SAMMSON: variants seen among roughly 807,000 people sequenced by gnomAD.
SAMMSON encodes the protein long intergenic non-protein coding RNA 1212.
intron 6 of SAMMSON, among the ~76,000 whole-genome samples, chr3:70,286,326 C>T (rs1319187535): frequency 6.6e-6 from 1 of 152,114 alleles, no homozygotes; most frequent in Admixed American, 6.6e-5. Context: ...ATCCTTTCCC[C>T]ATTTCTTGTT....
chr3:70,120,398 T>C (rs2067428065), intron 4 of SAMMSON: 1 of 152,160 alleles, frequency 6.6e-6, no homozygotes, highest in South Asian at 2.1e-4. Flanking sequence ...AAGAATTTGA[T>C]TTTTTTCAGG....
chr3:70,220,769 T>C (rs1159288118), intron 4 of SAMMSON, among the ~76,000 whole-genome samples: 1 of 152,168 alleles, frequency 6.6e-6, no homozygotes, highest in Non-Finnish European at 1.5e-5. Flanking sequence ...TGCCCACCCT[T>C]ATGAAGATTT....
chr3:70,254,569 G>T (rs938274409), intron 6 of SAMMSON, among the ~76,000 whole-genome samples: 15 of 152,090 alleles, frequency 9.9e-5, no homozygotes, highest in Non-Finnish European at 2.1e-4. Context: ...TTCCCTAATG[G>T]TGAGGTGGCA....
chr3:70,277,418 C>G (rs542624039), intron 6 of SAMMSON, among the ~76,000 whole-genome samples: 4 of 152,302 alleles, frequency 2.6e-5, no homozygotes, highest in South Asian at 2.1e-4. Context: ...CAAAGTCACA[C>G]TGTTTGCTTA....
At chr3:70,131,864 C>T (rs1053411529) in intron 4 of SAMMSON, among the ~76,000 whole-genome samples, 1 of 152,144 alleles carries the variant, frequency 6.6e-6, no homozygotes, top group Admixed American at 6.5e-5. Flanking sequence ...AGGCGTGAGA[C>T]ACTATGCGTG....
chr3:70,425,554 G>A (rs1187242436), intron 2 of SAMMSON, among the ~76,000 whole-genome samples: 2 of 150,676 alleles, frequency 1.3e-5, no homozygotes. Flanking sequence ...TGGGACTACA[G>A]GTGCCCGCCA....
intron 6 of SAMMSON, among the ~76,000 whole-genome samples, chr3:70,274,937 A>G (rs1225054291): frequency 6.6e-6 from 1 of 152,194 alleles, no homozygotes; most frequent in Non-Finnish European, 1.5e-5. Flanking sequence ...AATGAGTTAT[A>G]TAAAAGTGGG....
In SAMMSON at chr3:70,286,896, T is replaced by C. The variant is rs1300332043; in HGVS notation, n.675-4283T>C. Reference sequence around the variant, plus strand: ...TGTATAAGAATGCTTGTGATTTTTGTACATTGATTTTGTATCCTGAGACTT... The same window carrying C: ...TGTATAAGAATGCTTGTGATTTTTGCACATTGATTTTGTATCCTGAGACTT... On this transcript the variant is annotated intron_variant and non_coding_transcript_variant, in intron 6 of 9. Coordinates refer to ENST00000642114, the Ensembl canonical transcript of SAMMSON. Among the ~76,000 whole-genome samples, 9 of 152,018 alleles carry C rather than the reference T, an allele frequency of 5.9e-5. No individual in the cohort carries two copies. In the East Asian group the frequency reaches 1.7e-3, roughly 29 times the overall value.
chr3:70,051,664 T>C (rs2067146746), intron 3 of SAMMSON, among the ~76,000 whole-genome samples: 1 of 151,882 alleles, frequency 6.6e-6, no homozygotes, highest in South Asian at 2.1e-4. Flanking sequence ...TAGCATCTTT[T>C]TGTACAATGT....
At chr3:70,074,213 TA>T (rs1343040714) in intron 4 of SAMMSON, among the ~76,000 whole-genome samples, 4 of 152,086 alleles carry the variant, frequency 2.6e-5, no homozygotes, top group Non-Finnish European at 5.9e-5. Flanking sequence ...TTTTGAATGT[TA>T]AATATAAAAA....
chr3:70,162,499 A>G (rs569445550), intron 4 of SAMMSON, among the ~76,000 whole-genome samples: 9 of 151,988 alleles, frequency 5.9e-5, no homozygotes, highest in Admixed American at 3.9e-4. Flanking sequence ...ATTGAAGAAC[A>G]TACTTTATAT....
At chr3:70,051,134 C>CAAAAAA (rs71126477) in intron 3 of SAMMSON, among the ~76,000 whole-genome samples, 12 of 45,232 alleles carry the variant, frequency 2.7e-4, no homozygotes, top group African/African-American at 3.2e-4. Flanking sequence ...TACTCCATCT[C>CAAAAAA]AAAAAAAAAA....
At chr3:70,075,352 TA>T (rs2067244844) in intron 4 of SAMMSON, 1 of 152,106 alleles carries the variant, frequency 6.6e-6, no homozygotes, top group Admixed American at 6.6e-5. Context: ...CATGCTCTGT[TA>T]AAACAAAACA....
chr3:70,066,508 T>C (rs1368487842), intron 3 of SAMMSON, among the ~76,000 whole-genome samples: 1 of 152,112 alleles, frequency 6.6e-6, no homozygotes, highest in Non-Finnish European at 1.5e-5. Context: ...ATAACAGCCA[T>C]GAATGCTAAT....
intron 8 of SAMMSON, among the ~76,000 whole-genome samples, chr3:70,354,878 G>A (rs1265223896): frequency 6.6e-6 from 1 of 152,012 alleles, no homozygotes; most frequent in East Asian, 1.9e-4. Flanking sequence ...CTTTATCTAG[G>A]TCCTTCTCTG....
intron 4 of SAMMSON, among the ~76,000 whole-genome samples, chr3:70,207,579 A>G (rs780401531): frequency 8.6e-5 from 13 of 152,010 alleles, no homozygotes; most frequent in Non-Finnish European, 1.6e-4. Flanking sequence ...TGTGGGTTTC[A>G]CATCCCCAAT....
chr3:70,206,239 G>C (rs1365762532), intron 4 of SAMMSON, among the ~76,000 whole-genome samples: 1 of 151,916 alleles, frequency 6.6e-6, no homozygotes, highest in Admixed American at 6.6e-5. Context: ...TAGAGTTATA[G>C]ACTGAATAGT....
chr3:70,130,854 G>C (rs1454792751), intron 4 of SAMMSON, among the ~76,000 whole-genome samples: 1 of 152,040 alleles, frequency 6.6e-6, no homozygotes, highest in Non-Finnish European at 1.5e-5. Flanking sequence ...CAGGCCTCAG[G>C]TATCATGGAG....
intron 4 of SAMMSON, among the ~76,000 whole-genome samples, chr3:70,215,267 G>C (rs1031566933): frequency 1.3e-5 from 2 of 152,070 alleles, no homozygotes; most frequent in Non-Finnish European, 2.9e-5. Context: ...CCGCTGGTAA[G>C]GGGCAGAGCT....
Sources: gnomAD v4.1 joint callset for allele counts (sites outside exome capture counted in the v4.1 genomes callset) on GRCh38, gnomAD v4.1.1 for gene constraint, MANE v1.5 for transcripts, NCBI Gene and HGNC (gene_info 2026-07-23, HGNC 2026-07-21) for gene names.